AP2A2: variants seen among roughly 807,000 people sequenced by gnomAD.
The protein encoded by AP2A2 is AP-2 complex subunit alpha-2.
In AP2A2, 32 loss-of-function variants were observed where a neutral mutation model predicts 104.2. That is an observed-to-expected ratio of 0.31 (90% CI 0.23 to 0.41). The LOEUF (loss-of-function observed/expected upper bound fraction) is 0.41. AP2A2 is among the 10% of genes least tolerant of loss of function. The probability of loss-of-function intolerance (pLI) is 1.00; values close to 1 mark genes in which losing one functional copy is unlikely to be tolerated. For synonymous variants in AP2A2, 539 were observed against 533.3 expected, an observed-to-expected ratio of 1.01 and a Z score of -0.15; for missense variants, 912 against 1,261.0, an observed-to-expected ratio of 0.72 and a Z score of 4.19.
Position 993,558 on chromosome 11 carries a change from A to G in AP2A2, c.1550+177A>G, listed in dbSNP as rs2133742725. 6.6e-6 allele frequency among the ~76,000 whole-genome samples: 1 copy of G among 152,182 alleles called. No homozygotes were observed. Among genetic ancestry groups the G allele is most frequent in the East Asian group, 1.9e-4 (1 of 5,166 alleles). ...ATAGAAAAAGCAGGGATTCTAGTAG[A>G]AAATGGAGACGTGGGGTTGATGGCT... On this transcript the variant is annotated intron_variant, in intron 12 of 21. Transcript: ENST00000448903. The surrounding 1 kb of genome is among the most constrained non-coding windows in gnomAD (Gnocchi z 8.2).
At chr11:944,057 C>T (rs368202898) in intron 1 of AP2A2, among the ~76,000 whole-genome samples, 5 of 138,374 alleles carry the variant, frequency 3.6e-5, no homozygotes, top group East Asian at 4.5e-4. Context: ...GGAGATGGCG[C>T]GAGTAAGGGA....
intron 1 of AP2A2, among the ~76,000 whole-genome samples, chr11:954,510 G>A (rs1470689503): frequency 6.6e-6 from 1 of 151,850 alleles, no homozygotes; most frequent in Non-Finnish European, 1.5e-5. Flanking sequence ...TTGTGTTTGT[G>A]TACGTGTGTA....
In AP2A2 at chr11:1,010,976, C is replaced by T; in HGVS notation, c.*351C>T. On this transcript the variant is annotated 3_prime_UTR_variant, in exon 22 of 22. Transcript: ENST00000448903. ...GTCACTGAGATGGCCCGTGCTGCCG[C>T]CCACCCCGCCTCGGAGCCTCTGGGA... 1.4e-6 allele frequency: 1 copy of T among 720,178 alleles called. No individual in the cohort carries two copies. The highest frequency in any genetic ancestry group is 1.4e-5 in the South Asian group (1 of 72,028). 44.6% of individuals were successfully genotyped at this position (720,178 alleles called of 1,614,324 possible).
intron 2 of AP2A2, among the ~76,000 whole-genome samples, chr11:966,894 C>T (rs1253123016): frequency 6.6e-6 from 1 of 152,056 alleles, no homozygotes. Flanking sequence ...CCAGGCCAGG[C>T]GTGGTGGCTC....
chr11:1,000,115 G>A (rs1855982234), intron 14 of AP2A2, among the ~76,000 whole-genome samples: 1 of 152,056 alleles, frequency 6.6e-6, no homozygotes, highest in African/African-American at 2.4e-5. Context: ...CTTTTTTTAT[G>A]TCTTTCATGG....
Position 986,853 on chromosome 11 carries a change from T to C in AP2A2, c.1031T>C (p.Leu344Pro). 1.2e-6 allele frequency: 2 copies of C among 1,612,422 alleles called. No homozygotes were observed. The highest frequency in any genetic ancestry group is 1.7e-6 in the Non-Finnish European group (2 of 1,179,476). The change falls in exon 9 of 22, where the codon CTG becomes CCG. Residue 344 changes from leucine (L) to proline (P), a missense_variant. Physicochemically the swap from Leu to Pro is moderately conservative, Grantham distance 98. This residue lies in a region of AP2A2 where 350 missense variants were observed against 487.0 expected (regional missense o/e 0.72). Coordinates refer to ENST00000448903, the MANE Select transcript of AP2A2 (RefSeq NM_012305.4). ...TTTCTGCAGCACCGCGAGACCAACCTGCGCTACCTGGCCCTGGAGAGCATG... is the reference window on the plus strand; with the variant it reads ...TTTCTGCAGCACCGCGAGACCAACCCGCGCTACCTGGCCCTGGAGAGCATG... The part of the protein sequence containing the change: ...GQFLQHRETN[L>P]RYLALESMCT...
chr11:945,863 A>T (rs1193857408), intron 1 of AP2A2, among the ~76,000 whole-genome samples: 1 of 152,232 alleles, frequency 6.6e-6, no homozygotes, highest in Non-Finnish European at 1.5e-5. Flanking sequence ...GCTTAGAGGC[A>T]GGAAAGCCAG....
At chr11:972,586 AC>A (rs1237676034) in intron 4 of AP2A2, among the ~76,000 whole-genome samples, 4 of 152,138 alleles carry the variant, frequency 2.6e-5, no homozygotes, top group African/African-American at 9.7e-5. Context: ...CGTCCCAGCT[AC>A]TTGGTAGGCT....
At chr11:984,552 C>A in intron 6 of AP2A2, 93 bp from the exon 7 acceptor site, 1 of 1,052,126 alleles carries the variant, frequency 9.5e-7, no homozygotes, top group South Asian at 1.3e-5. Context: ...CCAGCTCAGG[C>A]GTGACCCGAG....
rs763389818 is a variant in AP2A2 at position 972,188 on chromosome 11, G to A, written c.406G>A (p.Ala136Thr). ...CATGGGCCTGGCCCTGCACTGCATC[G>A]CCAGCGTGGGCAGCCGGGAGATGGC... ...TFMGLALHCI[A>T]SVGSREMAEA... is the part of the protein sequence containing the mutation. Residue 136 changes from alanine to threonine, a missense_variant, in exon 4 of 22, where the codon GCC becomes ACC. Coordinates refer to ENST00000448903, the MANE Select transcript of AP2A2 (RefSeq NM_012305.4). 4 of 1,612,268 alleles carry A rather than the reference G, an allele frequency of 2.5e-6. No individual in the cohort carries two copies. The Admixed American group carries it at 6.7e-5, about 27-fold the overall frequency.
In AP2A2 at chr11:968,936, C is replaced by T. The variant is rs1015179851; in HGVS notation, c.137-1233C>T. Among the ~76,000 whole-genome samples, 5 of 152,170 alleles carry T rather than the reference C, an allele frequency of 3.3e-5. No homozygotes were observed. Among genetic ancestry groups the T allele is most frequent in the African/African-American group, 4.8e-5 (2 of 41,438 alleles). ...GCTGACTGGCCGACTGGTGATGCAC[C>T]GTTCCCCAGGAAATGTGGCCGGTCT... On this transcript the variant is annotated intron_variant, in intron 2 of 21. Transcript: ENST00000448903. This position sits in a 1 kb window ranked among gnomAD's most constrained non-coding sequence, Gnocchi z 4.2.
chr11:970,529 G>T (rs1854782977), intron 3 of AP2A2, among the ~76,000 whole-genome samples: 1 of 152,278 alleles, frequency 6.6e-6, no homozygotes, highest in Admixed American at 6.5e-5. Context: ...TCTTCAGGAA[G>T]CCCTGATGCC....
Position 1,000,588 on chromosome 11 carries a change from A to G in AP2A2, c.2113A>G (p.Asn705Asp). 6.5e-7 allele frequency: 1 copy of G among 1,545,510 alleles called. No individual in the cohort carries two copies. Among genetic ancestry groups the G allele is most frequent in the Non-Finnish European group, 8.7e-7 (1 of 1,151,078 alleles). Residue 705 changes from asparagine (N) to aspartate (D), a missense_variant, in exon 15 of 22, where the codon AAC (asparagine) becomes GAC (aspartate). Around this residue, in one of 7 missense-constraint regions of AP2A2, gnomAD observed 239 missense variants for 329.8 expected, o/e 0.72. Coordinates refer to ENST00000448903, the MANE Select transcript of AP2A2 (RefSeq NM_012305.4). The stretch of plus-strand genomic sequence containing the variant: ...GCCTCTCGCTCCTGGCTCCGAAGAC[A>G]ACTTTGCCAGGTAGTCAGGTTTCCT... Reference protein sequence around the residue: ...VAPLAPGSEDNFARFVCKNNG... With the variant: ...VAPLAPGSEDDFARFVCKNNG...
intron 1 of AP2A2, among the ~76,000 whole-genome samples, chr11:937,864 TGGC>T (rs1853511863): frequency 6.6e-6 from 1 of 152,164 alleles, no homozygotes; most frequent in Admixed American, 6.5e-5. Flanking sequence ...AAGGAAACTG[TGGC>T]GTGGAGAGGT....
chr11:970,119 C>T (rs765922664), intron 2 of AP2A2, 50 bp from the exon 3 acceptor site: 1 of 1,601,256 alleles, frequency 6.2e-7, no homozygotes, highest in Non-Finnish European at 8.5e-7. Context: ...CTCCCCTCTC[C>T]CCTGCCTCTG....
At chr11:985,618 GCACA>G (rs760144008) in intron 8 of AP2A2, 36 bp downstream of exon 8, 1 of 1,608,040 alleles carries the variant, frequency 6.2e-7, no homozygotes, top group Admixed American at 1.7e-5. Flanking sequence ...TTCGTCTCGC[GCACA>G]CACACACGTT....
chr11:1,007,921 T>C, intron 17 of AP2A2, 91 bp from the exon 18 acceptor site: 1 of 1,536,966 alleles, frequency 6.5e-7, no homozygotes, highest in South Asian at 1.2e-5. Context: ...GTGAGTGTGC[T>C]CGCCTCCACG....
In AP2A2 at chr11:993,399, A is replaced by G; in HGVS notation, c.1550+18A>G. On this transcript the variant is annotated intron_variant, in intron 12 of 21. Transcript: ENST00000448903. The surrounding 1 kb of genome is among the most constrained non-coding windows in gnomAD (Gnocchi z 8.2). ...AGATCCAGGTGAGAGGCCCTTTGCG[A>G]GTCGGGGCTGTGTGCGCTCCGGCGG... is the stretch of plus-strand genomic sequence containing the variant. 1 of 1,590,674 alleles carries G rather than the reference A, an allele frequency of 6.3e-7. No individual in the cohort carries two copies.
At chr11:958,572 A>G (rs1452389004) in intron 1 of AP2A2, among the ~76,000 whole-genome samples, 2 of 152,342 alleles carry the variant, frequency 1.3e-5, no homozygotes, top group East Asian at 1.9e-4. Flanking sequence ...TGTAATGTCT[A>G]TCAACAGATA....
Sources: allele counts gnomAD v4.1 joint callset (sites outside exome capture counted in the v4.1 genomes callset), GRCh38; gene constraint gnomAD v4.1.1; regional missense constraint gnomAD v4.1.1; non-coding constraint Gnocchi (gnomAD v3.1); transcripts MANE v1.5; gene names NCBI Gene and HGNC (gene_info 2026-07-23, HGNC 2026-07-21).